Variants in ZNF565 observed in about 807,000 individuals in gnomAD.
The protein encoded by ZNF565 is zinc finger protein 565.
Under a neutral mutation model 39.4 loss-of-function variants are expected in ZNF565, and 27 were observed. That is an observed-to-expected ratio of 0.69 (90% CI 0.51 to 0.95). The LOEUF is 0.95. ZNF565 is among the 40% of genes least tolerant of loss of function. The pLI, the probability that ZNF565 is intolerant of heterozygous loss-of-function variation, is 0.00. For synonymous variants in ZNF565, 185 were observed against 216.6 expected, an observed-to-expected ratio of 0.85 and a Z score of 1.28; for missense variants, 524 against 621.1, an observed-to-expected ratio of 0.84 and a Z score of 1.66.
At chr19:36,207,366 CCT>C (rs2145357097) in intron 1 of ZNF565, among the ~76,000 whole-genome samples, 1 of 152,080 alleles carries the variant, frequency 6.6e-6, no homozygotes, top group Admixed American at 6.6e-5. Context: ...CAACAGAAGC[CCT>C]GTTTCTACTA....
At chr19:36,229,389 G>A (rs1159706181) in intron 1 of ZNF565, among the ~76,000 whole-genome samples, 3 of 152,230 alleles carry the variant, frequency 2.0e-5, no homozygotes, top group East Asian at 1.9e-4. Flanking sequence ...TTATGTGTGG[G>A]GGTCTATATG....
intron 2 of ZNF565, among the ~76,000 whole-genome samples, chr19:36,198,137 AAAAG>A (rs1207799402): frequency 3.3e-5 from 5 of 152,272 alleles, no homozygotes; most frequent in Admixed American, 6.5e-5. Flanking sequence ...TTAAAAAAAA[AAAAG>A]AAAGAAAGAA....
chr19:36,213,981 C>T (rs1283733479), intron 1 of ZNF565, among the ~76,000 whole-genome samples: 1 of 152,002 alleles, frequency 6.6e-6, no homozygotes, highest in East Asian at 1.9e-4. Context: ...CCACAAATGC[C>T]TCATATAGTC....
intron 1 of ZNF565, among the ~76,000 whole-genome samples, chr19:36,222,356 G>A (rs1976884193): frequency 6.6e-6 from 1 of 152,174 alleles, no homozygotes; most frequent in Non-Finnish European, 1.5e-5. Flanking sequence ...ATTGTTTCCA[G>A]TCTTCTGCTG....
At chr19:36,231,045 T>C (rs753855013) in intron 1 of ZNF565, among the ~76,000 whole-genome samples, 42 of 152,086 alleles carry the variant, frequency 2.8e-4, no homozygotes, top group Non-Finnish European at 4.6e-4. Flanking sequence ...AGCATAGATA[T>C]AATATACTGG....
At chr19:36,187,917 C>T (rs541995302) in intron 4 of ZNF565, among the ~76,000 whole-genome samples, 4 of 151,376 alleles carry the variant, frequency 2.6e-5, no homozygotes, top group Admixed American at 2.0e-4. Flanking sequence ...GGATTACAGG[C>T]GTGAGCCACC....
chr19:36,201,466 C>T (rs1286423033), intron 2 of ZNF565, among the ~76,000 whole-genome samples: 1 of 149,610 alleles, frequency 6.7e-6, no homozygotes, highest in Non-Finnish European at 1.5e-5. Context: ...TGGTGCTCTG[C>T]TAAGAGCATT....
intron 1 of ZNF565, among the ~76,000 whole-genome samples, chr19:36,229,085 T>C (rs1977206833): frequency 6.6e-6 from 1 of 152,260 alleles, no homozygotes; most frequent in Non-Finnish European, 1.5e-5. Context: ...CTGTGGTGGC[T>C]GTTCTCCTTC....
chr19:36,225,648 C>T (rs756794055), intron 1 of ZNF565, among the ~76,000 whole-genome samples: 11 of 150,826 alleles, frequency 7.3e-5, no homozygotes, highest in Admixed American at 4.0e-4. Context: ...GTGCTAAGCA[C>T]GCTGGTCTTG....
chr19:36,185,445 A>G (rs955542278), intron 4 of ZNF565, among the ~76,000 whole-genome samples: 1 of 151,154 alleles, frequency 6.6e-6, no homozygotes, highest in Non-Finnish European at 1.5e-5. Flanking sequence ...TTACAAACTC[A>G]CTGCCATGGC....
intron 2 of ZNF565, among the ~76,000 whole-genome samples, chr19:36,199,857 C>CG (rs1239777877): frequency 6.6e-6 from 1 of 151,786 alleles, no homozygotes; most frequent in Admixed American, 6.6e-5. Context: ...TTTGTAGAGA[C>CG]GGGGTCTCAC....
At chr19:36,234,440 A>G (rs1042553780) in intron 1 of ZNF565, among the ~76,000 whole-genome samples, 2 of 152,180 alleles carry the variant, frequency 1.3e-5, no homozygotes, top group Admixed American at 6.5e-5. Flanking sequence ...CTAATATTAG[A>G]CTACCCAGTC....
At chr19:36,207,556 C>A (rs1599941713) in intron 1 of ZNF565, among the ~76,000 whole-genome samples, 1 of 148,790 alleles carries the variant, frequency 6.7e-6, no homozygotes, top group South Asian at 2.1e-4. Flanking sequence ...AAAAAAAATA[C>A]ATAACAAACA....
chr19:36,239,729 T>C (rs1390494325), intron 1 of ZNF565, among the ~76,000 whole-genome samples: 2 of 152,108 alleles, frequency 1.3e-5, no homozygotes, highest in Non-Finnish European at 2.9e-5. Flanking sequence ...GCTCTGTCAC[T>C]CCTCCCACTG....
intron 1 of ZNF565, among the ~76,000 whole-genome samples, chr19:36,244,571 G>A (rs1299224469): frequency 6.6e-6 from 1 of 151,880 alleles, no homozygotes; most frequent in Non-Finnish European, 1.5e-5. Flanking sequence ...TTAAAAAGGA[G>A]GCTGGGCACG....
chr19:36,228,202 T>A (rs59026641), intron 1 of ZNF565, among the ~76,000 whole-genome samples: 32,600 of 150,228 alleles, frequency 0.22, 3,586 homozygotes, highest in African/African-American at 0.23. Context: ...CTCAGTATAA[T>A]GCAAAGAGGG....
chr19:36,216,757 C>T (rs554036362), upstream of ZNF565, among the ~76,000 whole-genome samples: 19 of 152,206 alleles, frequency 1.2e-4, no homozygotes, highest in East Asian at 9.7e-4. Context: ...AGACAAGCTG[C>T]AAGAGCCAGT....
intron 4 of ZNF565, among the ~76,000 whole-genome samples, chr19:36,184,504 A>G (rs927326696): frequency 2.0e-5 from 3 of 151,686 alleles, no homozygotes; most frequent in African/African-American, 7.3e-5. Flanking sequence ...ACCTCAAACA[A>G]TCCACCCGCC....
At chr19:36,192,081 C>T (rs546458551) in intron 4 of ZNF565, among the ~76,000 whole-genome samples, 12 of 151,306 alleles carry the variant, frequency 7.9e-5, no homozygotes, top group East Asian at 2.0e-4. Flanking sequence ...CTCCGCCTCC[C>T]GGGTTCAAGC....
Sources: allele counts gnomAD v4.1 joint callset (sites outside exome capture counted in the v4.1 genomes callset), GRCh38; gene constraint gnomAD v4.1.1; transcripts MANE v1.5; gene names NCBI Gene and HGNC (gene_info 2026-07-23, HGNC 2026-07-21).